POLE: variants seen among roughly 807,000 people sequenced by gnomAD.
POLE encodes the protein DNA polymerase epsilon, catalytic subunit.
In POLE, 188 loss-of-function variants were observed where a neutral mutation model predicts 279.2. The ratio of observed to expected loss-of-function variants is 0.67; its 90% CI spans 0.60 to 0.76. The LOEUF (loss-of-function observed/expected upper bound fraction) is 0.76, where lower values mean the gene tolerates loss of function less well. Ranked by LOEUF, POLE falls within the 30% of genes least tolerant of loss-of-function variation. The pLI is 0.00. For synonymous variants in POLE, 1,214 were observed against 1,172.5 expected (o/e 1.04, Z -0.72); for missense variants, 2,703 against 3,016.7 (o/e 0.90, Z 2.44).
chr12:132,679,683 C>G, intron 5 of POLE, 32 bp from the exon 6 acceptor site: 1 of 1,594,180 alleles, frequency 6.3e-7, no homozygotes, highest in South Asian at 1.1e-5. Flanking sequence ...CTCATTGGTT[C>G]AAGAGAAATA....
intron 1 of POLE, among the ~76,000 whole-genome samples, chr12:132,682,291 C>CAAAAAAAAAAAAA (rs759276322): frequency 8.3e-6 from 1 of 120,474 alleles, no homozygotes; most frequent in African/African-American, 3.4e-5. Context: ...GAGACTCCGG[C>CAAAAAAAAAAAAA]AAAAAAAAAA....
intron 25 of POLE, 30 bp downstream of exon 25, chr12:132,660,939 A>G (rs1264311843): frequency 4.6e-6 from 7 of 1,530,406 alleles, no homozygotes; most frequent in African/African-American, 1.4e-5. Flanking sequence ...CATCCCTCAG[A>G]GCAGGTGAGG....
At position 132,675,990 on chromosome 12, in the gene POLE, T is replaced by C. The variant is rs866254631; in HGVS notation, c.1020+104A>G. 14 of 940,808 alleles carry C rather than the reference T, an allele frequency of 1.5e-5. No individual in the cohort carries two copies. The highest frequency in any genetic ancestry group is 2.2e-5 in the Admixed American group (1 of 46,420). The allele number at this position is 940,808 out of a possible 1,614,324, so 58.3% of individuals were successfully genotyped here. On this transcript the variant is annotated intron_variant, in intron 10 of 48. Transcript: ENST00000320574. The surrounding 1 kb of genome is among the most constrained non-coding windows in gnomAD (Gnocchi z 4.3). ...GGTCATACCCTGAGAACAAAGCTCA[T>C]GGAGCTGCAATTCTGATCTGACGGA... is the stretch of plus-strand genomic sequence containing the variant.
At chr12:132,670,356 A>G (rs180915108) in intron 16 of POLE, among the ~76,000 whole-genome samples, 2 of 151,652 alleles carry the variant, frequency 1.3e-5, no homozygotes, top group Admixed American at 6.6e-5. Context: ...AGCCTGGGCA[A>G]CAAGAGTGAA....
chr12:132,661,287 G>A lies in POLE; in HGVS notation c.2865-123C>T. On this transcript the variant is annotated intron_variant, in intron 24 of 48. Coordinates refer to ENST00000320574, the MANE Select transcript of POLE (RefSeq NM_006231.4). The surrounding 1 kb of genome is among the most constrained non-coding windows in gnomAD (Gnocchi z 4.1). The stretch of plus-strand genomic sequence containing the variant: ...CCCTCCACCTGTCATCCACGAGGCA[G>A]CAAACGTCTCTCTCCCTTAGGCCAC... 1 of 1,028,512 alleles carries A rather than the reference G, an allele frequency of 9.7e-7. No homozygotes were observed. The highest frequency in any genetic ancestry group is 1.6e-5 in the South Asian group (1 of 63,482). The allele number at this position is 1,028,512 out of a possible 1,614,324, so 63.7% of individuals were successfully genotyped here.
rs772524798 is a variant in POLE at position 132,661,280 on chromosome 12, C to T, written c.2865-116G>A. ...TTTCCAACCCTCCACCTGTCATCCACGAGGCAGCAAACGTCTCTCTCCCTT... is the reference window on the plus strand; with the variant it reads ...TTTCCAACCCTCCACCTGTCATCCATGAGGCAGCAAACGTCTCTCTCCCTT... On this transcript the variant is annotated intron_variant, in intron 24 of 48. Transcript: ENST00000320574. This position sits in a 1 kb window ranked among gnomAD's most constrained non-coding sequence, Gnocchi z 4.1. 2.2e-4 allele frequency: 233 copies of T among 1,076,110 alleles called. No homozygotes were observed. Among genetic ancestry groups the T allele is most frequent in the Non-Finnish European group, 2.8e-4 (207 of 747,592 alleles). 66.7% of individuals were successfully genotyped at this position (1,076,110 alleles called of 1,614,324 possible).
Position 132,635,998 on chromosome 12 carries a change from G to T in POLE, c.5705C>A (p.Ser1902Tyr). 1 of 1,613,926 alleles carries T rather than the reference G, an allele frequency of 6.2e-7. No individual in the cohort carries two copies. The highest frequency in any genetic ancestry group is 8.5e-7 in the Non-Finnish European group (1 of 1,179,894). Reference protein sequence around the residue: ...SSIHSKETFHSLTISFSRCWE... With the variant: ...SSIHSKETFHYLTISFSRCWE... ...GCATCGAGAGAAAGAAATTGTCAGA[G>T]AATGGAAGGTCTCCTTTGAATGGAT... The change falls in exon 42 of 49, where the codon TCT becomes TAT. Residue 1902 changes from serine (S) to tyrosine (Y), a missense_variant. Physicochemically the swap from Ser to Tyr is moderately radical, Grantham distance 144. Coordinates refer to ENST00000320574, the MANE Select transcript of POLE (RefSeq NM_006231.4).
chr12:132,643,006 C>T lies in POLE; in HGVS notation c.4552-10G>A, dbSNP rs5744946. ...TCTGGTTGCTGCGCACCTAGACCAA[C>T]GCAGGCCACGTCAGCCTCCCCCTGC... On this transcript the variant is annotated splice_polypyrimidine_tract_variant and intron_variant, in intron 35 of 48. Coordinates refer to ENST00000320574, the MANE Select transcript of POLE (RefSeq NM_006231.4). The T allele has an allele frequency of 1.3e-5, 21 of 1,582,128 alleles. No individual in the cohort carries two copies. Among genetic ancestry groups the T allele is most frequent in the South Asian group, 2.3e-5 (2 of 86,942 alleles).
At position 132,677,385 on chromosome 12, in the gene POLE, C is replaced by T. The variant is rs5744752; in HGVS notation, c.779G>A (p.Arg260Gln). ...GNAFPVEITR[R>Q]DDLVERPDPV... ...TACAGGTCGTTCAACAAGGTCATCT[C>T]GGCGGGTGATTTCTACCGGAAAAGC... The change falls in exon 8 of 49, where the codon CGA becomes CAA. Residue 260 changes from arginine (R) to glutamine (Q), a missense_variant. This residue lies in a region of POLE where 1,011 missense variants were observed against 1,111.7 expected (regional missense o/e 0.91). Transcript: ENST00000320574. The T allele has an allele frequency of 6.0e-4, 970 of 1,614,004 alleles. 12 individuals carry two copies. The African/African-American group carries it at 9.5e-3, about 16-fold the overall frequency.
chr12:132,666,360 G>A (rs1383228614), intron 20 of POLE, among the ~76,000 whole-genome samples: 1 of 152,264 alleles, frequency 6.6e-6, no homozygotes, highest in African/African-American at 2.4e-5. Flanking sequence ...GGCTGGGGTG[G>A]ATAGATGACC....
rs769701216 is a variant in POLE, at chr12:132,668,329, C to T, written c.2173+27G>A. 18 of 1,528,516 alleles carry T rather than the reference C, an allele frequency of 1.2e-5. No individual in the cohort carries two copies. The highest frequency in any genetic ancestry group is 1.6e-5 in the Non-Finnish European group (18 of 1,137,878). 94.7% of individuals were successfully genotyped at this position (1,528,516 alleles called of 1,614,324 possible). A position where few individuals can be genotyped will look rare whatever the true frequency, so the allele number is the denominator to read the frequency against. ...AGTGGGAGCAGGAGCCACATCTTTA[C>T]AGCCGTGACCATGCCCAGGCACTCA... On this transcript the variant is annotated intron_variant, in intron 19 of 48. Coordinates refer to ENST00000320574, the MANE Select transcript of POLE (RefSeq NM_006231.4). This position sits in a 1 kb window ranked among gnomAD's most constrained non-coding sequence, Gnocchi z 4.0.
chr12:132,659,720 T>TG, intron 25 of POLE: 1 of 542,628 alleles, frequency 1.8e-6, no homozygotes, highest in Non-Finnish European at 3.3e-6. Flanking sequence ...TGAGACAGAG[T>TG]CTCATTCTGT....
chr12:132,642,205 C>A lies in POLE; in HGVS notation c.5145G>T (p.Glu1715Asp). ...TGGAGTAACAGCCTGAACTGTTGAT[C>A]TCAACAGTGGCTTGGTCATCGAACT... is the stretch of plus-strand genomic sequence containing the variant. Reference protein sequence around the residue: ...VMEFDDQATVEINSSGCYSTV... With the variant: ...VMEFDDQATVDINSSGCYSTV... The change falls in exon 38 of 49, where the codon GAG (glutamate) becomes GAT (aspartate). Residue 1715 changes from glutamate to aspartate, a missense_variant. By Grantham distance (45) the Glu-to-Asp change is conservative. Coordinates refer to ENST00000320574, the MANE Select transcript of POLE (RefSeq NM_006231.4). 6.3e-7 allele frequency: 1 copy of A among 1,598,894 alleles called. No homozygotes were observed. Among genetic ancestry groups the A allele is most frequent in the Non-Finnish European group, 8.5e-7 (1 of 1,172,546 alleles).
In POLE at chr12:132,680,625, A is replaced by G. The variant is rs1364386484; in HGVS notation, c.267T>C (p.Asp89=). The part of the protein sequence containing the change: ...GSAVDYYFIQ[D]DGSRFKVALP... ...GGCTTACCTTAAATCTGCTTCCGTC[A>G]TCTTGAATAAAGTAGTAATCCACTG... is the stretch of plus-strand genomic sequence containing the variant. Residue 89 remains aspartate, a synonymous_variant, in exon 3 of 49, where the codon GAT becomes GAC. Transcript: ENST00000320574. 1.2e-6 allele frequency: 2 copies of G among 1,613,978 alleles called. No individual in the cohort carries two copies. The highest frequency in any genetic ancestry group is 1.7e-6 in the Non-Finnish European group (2 of 1,179,824).
intron 47 of POLE, 41 bp downstream of exon 47, chr12:132,625,604 T>C (rs906399731): frequency 6.2e-7 from 1 of 1,608,260 alleles, no homozygotes; most frequent in Non-Finnish European, 8.5e-7. Context: ...AACCCCCCTG[T>C]GGACTCCAGG....
At position 132,649,354 on chromosome 12, in the gene POLE, C is replaced by A. The variant is rs2138606075; in HGVS notation, c.3957G>T (p.Leu1319Phe). Residue 1319 changes from leucine to phenylalanine, a missense_variant, in exon 31 of 49, where the codon TTG becomes TTT. Physicochemically the swap from Leu to Phe is conservative, Grantham distance 22. This residue lies in a region of POLE where 1,551 missense variants were observed against 1,686.1 expected (regional missense o/e 0.92). Coordinates refer to ENST00000320574, the MANE Select transcript of POLE (RefSeq NM_006231.4). The stretch of plus-strand genomic sequence containing the variant: ...CCAGGATGCTGCGGGCAGTTCTTCG[C>A]AAGAAGCTCCCCAGCCCCGTGGCAG... ...DGPATGLGSF[L>F]RRTARSILDL... 1 of 1,613,626 alleles carries A rather than the reference C, an allele frequency of 6.2e-7. No individual in the cohort carries two copies. The highest frequency in any genetic ancestry group is 8.5e-7 in the Non-Finnish European group (1 of 1,180,034).
chr12:132,629,580 T>C (rs7485668), intron 45 of POLE, among the ~76,000 whole-genome samples: 81,226 of 152,072 alleles, frequency 0.53, 22,907 homozygotes, highest in African/African-American at 0.7. Flanking sequence ...CTTCAAGCTT[T>C]CCTTCTACAG....
intron 45 of POLE, among the ~76,000 whole-genome samples, chr12:132,631,424 C>T (rs2041930758): frequency 6.6e-6 from 1 of 152,002 alleles, no homozygotes; most frequent in South Asian, 2.1e-4. Context: ...ATAAATTACA[C>T]CTTAATAAAA....
intron 23 of POLE, among the ~76,000 whole-genome samples, chr12:132,662,297 C>T (rs927190300): frequency 2.0e-5 from 3 of 152,232 alleles, no homozygotes; most frequent in Non-Finnish European, 4.4e-5. Context: ...TAACTATCTA[C>T]AAATGCTGTA....
Sources: allele counts gnomAD v4.1 joint callset (sites outside exome capture counted in the v4.1 genomes callset), GRCh38; gene constraint gnomAD v4.1.1; regional missense constraint gnomAD v4.1.1; non-coding constraint Gnocchi (gnomAD v3.1); transcripts MANE v1.5; gene names NCBI Gene and HGNC (gene_info 2026-07-23, HGNC 2026-07-21).